The following NKX1-2 variants were observed in gnomAD, a reference collection of about 807,000 sequenced individuals.
NKX1-2 encodes the protein NK1 transcription factor-related protein 2.
NKX1-2 carries 1 observed loss-of-function variant against 4.4 expected under a neutral mutation model. The ratio of observed to expected loss-of-function variants is 0.23; its 90% CI spans 0.08 to 1.08. The LOEUF is 1.08. Ranked by LOEUF, NKX1-2 falls within the 50% of genes least tolerant of loss-of-function variation. The probability of loss-of-function intolerance (pLI) is 0.55; values close to 1 mark genes in which losing one functional copy is unlikely to be tolerated. For synonymous variants in NKX1-2, 235 were observed against 228.0 expected (o/e 1.03, Z -0.28); for missense variants, 503 against 464.6 (o/e 1.08, Z -0.76).
Position 124,447,634 on chromosome 10 carries a change from C to G in NKX1-2, c.728G>C (p.Gly243Ala). The change falls in exon 2 of 2, where the codon GGC becomes GCC. Residue 243 changes from glycine (G) to alanine (A), a missense_variant. Coordinates refer to ENST00000451024, the MANE Select transcript of NKX1-2 (RefSeq NM_001146340.3). ...GCCCCCCGAGCCGCCGCCGCCGCCG[C>G]CCCCCGCCGCCCCTGGCTGGGGCGC... ...GGAPQPGAAG[G>A]GGGGGSGGSP... 7.8e-7 allele frequency: 1 copy of G among 1,283,436 alleles called. No individual in the cohort carries two copies. The highest frequency in any genetic ancestry group is 9.8e-7 in the Non-Finnish European group (1 of 1,015,860). The allele number at this position is 1,283,436 out of a possible 1,614,324, so 79.5% of individuals were successfully genotyped here. A position where few individuals can be genotyped will look rare whatever the true frequency, so the allele number is the denominator to read the frequency against.
rs763369952 is a variant in NKX1-2 at position 124,449,930 on chromosome 10, T to C, written c.14A>G (p.Gln5Arg). ...GGGAGCCGCCTTGGCCCCGCCGTCC[T>C]GCCATGCCAGCATGCCCGTCGCCCA... is the stretch of plus-strand genomic sequence containing the variant. MLAW[Q>R]DGGAKAAPSH... The change falls in exon 1 of 2, where the codon CAG (glutamine) becomes CGG (arginine). Residue 5 changes from glutamine (Q) to arginine (R), a missense_variant. Transcript: ENST00000451024. This position sits in a 1 kb window ranked among gnomAD's most constrained non-coding sequence, Gnocchi z 7.5. The C allele has an allele frequency of 1.3e-6, 2 of 1,541,924 alleles. No homozygotes were observed. The highest frequency in any genetic ancestry group is 2.0e-5 in the Admixed American group (1 of 50,642).
rs1952239800 is a variant in NKX1-2 at position 124,446,696 on chromosome 10, G to A, written c.*733C>T. Reference sequence around the variant, plus strand: ...AAAACCTGCAGTGCAACAGACCCGTGTCTACTTTAGCAGGTGAGTCTAGCT... The same window carrying A: ...AAAACCTGCAGTGCAACAGACCCGTATCTACTTTAGCAGGTGAGTCTAGCT... On this transcript the variant is annotated 3_prime_UTR_variant, in exon 2 of 2. Coordinates refer to ENST00000451024, the MANE Select transcript of NKX1-2 (RefSeq NM_001146340.3). The A allele has an allele frequency of 6.6e-6, 1 of 152,180 alleles. No individual in the cohort carries two copies. The highest frequency in any genetic ancestry group is 1.5e-5 in the Non-Finnish European group (1 of 68,038). The allele number at this position is 152,180 out of a possible 1,614,324, so 9.4% of individuals were successfully genotyped here.
At position 124,447,557 on chromosome 10, in the gene NKX1-2, A is replaced by T; in HGVS notation, c.805T>A (p.Tyr269Asn). The change falls in exon 2 of 2, where the codon TAC (tyrosine) becomes AAC (asparagine). Residue 269 changes from tyrosine (Y) to asparagine (N), a missense_variant. Tyr to Asn is a moderately radical substitution (Grantham distance 143). Transcript: ENST00000451024. Reference sequence around the variant, plus strand: ...GGGAAGAGGACATTGGCCGCGGAGTAGGAGGGGAAAGTCTGGAAGTGCAGA... The same window carrying T: ...GGGAAGAGGACATTGGCCGCGGAGTTGGAGGGGAAAGTCTGGAAGTGCAGA... ...GALHFQTFPS[Y>N]SAANVLFPSA... 7.8e-7 allele frequency: 1 copy of T among 1,274,978 alleles called. No homozygotes were observed. 79.0% of individuals were successfully genotyped at this position (1,274,978 alleles called of 1,614,324 possible).
Position 124,447,553 on chromosome 10 carries a change from G to C in NKX1-2, c.809C>G (p.Ser270Cys). ...GGACGGGAAGAGGACATTGGCCGCG[G>C]AGTAGGAGGGGAAAGTCTGGAAGTG... The part of the protein sequence containing the change: ...ALHFQTFPSY[S>C]AANVLFPSAA... The change falls in exon 2 of 2, where the codon TCC (serine) becomes TGC (cysteine). Residue 270 changes from serine to cysteine, a missense_variant. Coordinates refer to ENST00000451024, the MANE Select transcript of NKX1-2 (RefSeq NM_001146340.3). The C allele has an allele frequency of 7.8e-7, 1 of 1,276,304 alleles. No homozygotes were observed. The highest frequency in any genetic ancestry group is 3.7e-5 in the South Asian group (1 of 26,840). The allele number at this position is 1,276,304 out of a possible 1,614,324, so 79.1% of individuals were successfully genotyped here.
Position 124,448,730 on chromosome 10 carries a change from G to C in NKX1-2, c.215-583C>G, listed in dbSNP as rs1451122002. 1 of 152,704 alleles carries C rather than the reference G, an allele frequency of 6.5e-6. No homozygotes were observed. The highest frequency in any genetic ancestry group is 2.4e-5 in the African/African-American group (1 of 41,458). 9.5% of individuals were successfully genotyped at this position (152,704 alleles called of 1,614,324 possible). ...ACAATATTAGGATCAGACAGGGAAA[G>C]GGGGTTTGAAGTCGGTACCTGCAAG... On this transcript the variant is annotated intron_variant, in intron 1 of 1. Transcript: ENST00000451024. The surrounding 1 kb of genome is among the most constrained non-coding windows in gnomAD (Gnocchi z 4.1).
At position 124,447,958 on chromosome 10, in the gene NKX1-2, C is replaced by G; in HGVS notation, c.404G>C (p.Gly135Ala). 2.8e-6 allele frequency: 4 copies of G among 1,412,892 alleles called. No homozygotes were observed. The African/African-American group carries it at 4.6e-5, about 16-fold the overall frequency. 87.5% of individuals were successfully genotyped at this position (1,412,892 alleles called of 1,614,324 possible). A position where few individuals can be genotyped will look rare whatever the true frequency, so the allele number is the denominator to read the frequency against. ...LASGEPCEDG[G>A]GGPVRSPPGS... ...CGGGGGGGACCTCACAGGGCCGCCC[C>G]CGCCGTCCTCGCAGGGCTCCCCAGA... is the stretch of plus-strand genomic sequence containing the variant. The change falls in exon 2 of 2, where the codon GGG becomes GCG. Residue 135 changes from glycine (G) to alanine (A), a missense_variant. Physicochemically the swap from Gly to Ala is moderately conservative, Grantham distance 60. Transcript: ENST00000451024.
chr10:124,447,478 G>C lies in NKX1-2; in HGVS notation c.884C>G (p.Pro295Arg). 1.6e-6 allele frequency: 2 copies of C among 1,268,652 alleles called. No individual in the cohort carries two copies. Among genetic ancestry groups the C allele is most frequent in the Non-Finnish European group, 2.0e-6 (2 of 1,002,650 alleles). 78.6% of individuals were successfully genotyped at this position (1,268,652 alleles called of 1,614,324 possible). The change falls in exon 2 of 2, where the codon CCG becomes CGG. Residue 295 changes from proline to arginine, a missense_variant. Coordinates refer to ENST00000451024, the MANE Select transcript of NKX1-2 (RefSeq NM_001146340.3). ...GGTCAGGTAGGAAGGCCCAAGGAAC[G>C]GCGCGAAAGGGCTCCCGGGGGCGGC... ...TAAAPGSPFA[P>R]FLGPSYLTPF...
Position 124,449,822 on chromosome 10 carries a change from G to A in NKX1-2, c.122C>T (p.Pro41Leu), listed in dbSNP as rs1422709190. The change falls in exon 1 of 2, where the codon CCG (proline) becomes CTG (leucine). Residue 41 changes from proline to leucine, a missense_variant. Pro to Leu is a moderately conservative substitution (Grantham distance 98). Coordinates refer to ENST00000451024, the MANE Select transcript of NKX1-2 (RefSeq NM_001146340.3). The surrounding 1 kb of genome is among the most constrained non-coding windows in gnomAD (Gnocchi z 7.5). ...FTRAALPAVR[P>L]APREARKSLA... ...ACTTTTCCTGGCTTCCCGGGGAGCC[G>A]GGCGCACGGCAGGGAGCGCTGCGCG... 4.5e-6 allele frequency: 7 copies of A among 1,551,450 alleles called. No individual in the cohort carries two copies. In the African/African-American group the frequency reaches 6.8e-5, roughly 15 times the overall value.
chr10:124,447,532 G>A lies in NKX1-2; in HGVS notation c.830C>T (p.Pro277Leu), dbSNP rs900885197. ...CGTCAGCGGGAAGGAGGCGGCGGAC[G>A]GGAAGAGGACATTGGCCGCGGAGTA... ...PSYSAANVLF[P>L]SAASFPLTAA... Residue 277 changes from proline (P) to leucine (L), a missense_variant, in exon 2 of 2, where the codon CCG becomes CTG. Coordinates refer to ENST00000451024, the MANE Select transcript of NKX1-2 (RefSeq NM_001146340.3). 1.6e-5 allele frequency: 20 copies of A among 1,275,438 alleles called. No homozygotes were observed. Among genetic ancestry groups the A allele is most frequent in the African/African-American group, 4.6e-5 (3 of 64,780 alleles). 79.0% of individuals were successfully genotyped at this position (1,275,438 alleles called of 1,614,324 possible). A position where few individuals can be genotyped will look rare whatever the true frequency, so the allele number is the denominator to read the frequency against.
At position 124,447,829 on chromosome 10, in the gene NKX1-2, A is replaced by C; in HGVS notation, c.533T>G (p.Leu178Trp). The change falls in exon 2 of 2, where the codon TTG becomes TGG. Residue 178 changes from leucine (L) to tryptophan (W), a missense_variant. By Grantham distance (61) the Leu-to-Trp change is moderately conservative. Transcript: ENST00000451024. Reference protein sequence around the residue: ...TAFTYEQLVALENKFRATRYL... With the variant: ...TAFTYEQLVAWENKFRATRYL... ...GCGCGTGGCCCGGAACTTGTTCTCC[A>C]AGGCCACCAGCTGCTCGTAGGTGAA... The C allele has an allele frequency of 4.1e-6, 6 of 1,473,562 alleles. No homozygotes were observed. Among genetic ancestry groups the C allele is most frequent in the Non-Finnish European group, 5.4e-6 (6 of 1,104,696 alleles). 91.3% of individuals were successfully genotyped at this position (1,473,562 alleles called of 1,614,324 possible).
chr10:124,449,736 T>C lies in NKX1-2; in HGVS notation c.208A>G (p.Thr70Ala). The C allele has an allele frequency of 6.5e-7, 1 of 1,550,214 alleles. No homozygotes were observed. Among genetic ancestry groups the C allele is most frequent in the South Asian group, 1.2e-5 (1 of 84,042 alleles). Reference protein sequence around the residue: ...SSRDPVRQLETPDAAGPGAGQ... With the variant: ...SSRDPVRQLEAPDAAGPGAGQ... ...GGGCCGCCTTGCATCTTACCAGGGG[T>C]CTCCAGCTGTCGGACAGGGTCCCTG... Residue 70 changes from threonine to alanine, a missense_variant, in exon 1 of 2, where the codon ACC becomes GCC. Transcript: ENST00000451024. The surrounding 1 kb of genome is among the most constrained non-coding windows in gnomAD (Gnocchi z 7.5).
Position 124,446,966 on chromosome 10 carries a change from G to A in NKX1-2, c.*463C>T, listed in dbSNP as rs1482135713. 1.3e-5 allele frequency: 2 copies of A among 153,770 alleles called. No homozygotes were observed. Among genetic ancestry groups the A allele is most frequent in the African/African-American group, 2.4e-5 (1 of 41,528 alleles). The allele number at this position is 153,770 out of a possible 1,614,324, so 9.5% of individuals were successfully genotyped here. On this transcript the variant is annotated 3_prime_UTR_variant, in exon 2 of 2. Transcript: ENST00000451024. ...TTCAGGATTTGGAAGAACTCTCTGG[G>A]TTTGGGCTGAACCATCGAGCACGAG...
chr10:124,448,234 CA>C lies in NKX1-2; in HGVS notation c.215-88del. On this transcript the variant is annotated intron_variant, in intron 1 of 1. Transcript: ENST00000451024. The surrounding 1 kb of genome is among the most constrained non-coding windows in gnomAD (Gnocchi z 4.1). ...TCCCTAGAGCAAGCAGCTGTCCCCC[CA>C]ACCCAACTCTGGGTGCTGCTCCTGT... 1 of 1,345,746 alleles carries C rather than the reference CA, an allele frequency of 7.4e-7. No individual in the cohort carries two copies. Among genetic ancestry groups the C allele is most frequent in the Non-Finnish European group, 9.5e-7 (1 of 1,052,670 alleles). 83.4% of individuals were successfully genotyped at this position (1,345,746 alleles called of 1,614,324 possible). A position where few individuals can be genotyped will look rare whatever the true frequency, so the allele number is the denominator to read the frequency against.
At position 124,447,877 on chromosome 10, in the gene NKX1-2, T is replaced by A; in HGVS notation, c.485A>T (p.Lys162Met). 6.9e-7 allele frequency: 1 copy of A among 1,441,786 alleles called. No individual in the cohort carries two copies. The highest frequency in any genetic ancestry group is 9.2e-7 in the Non-Finnish European group (1 of 1,089,908). 89.3% of individuals were successfully genotyped at this position (1,441,786 alleles called of 1,614,324 possible). The part of the protein sequence containing the change: ...RRRRLEPNCA[K>M]PRRARTAFTY... ...GAAGGCGGTGCGCGCGCGCCGCGGC[T>A]TGGCGCAGTTGGGCTCCAGGCGCCG... Residue 162 changes from lysine to methionine, a missense_variant, in exon 2 of 2, where the codon AAG (lysine) becomes ATG (methionine). Transcript: ENST00000451024.
At position 124,447,561 on chromosome 10, in the gene NKX1-2, G is replaced by A; in HGVS notation, c.801C>T (p.Pro267=). The A allele has an allele frequency of 2.4e-6, 3 of 1,275,078 alleles. No individual in the cohort carries two copies. The highest frequency in any genetic ancestry group is 9.9e-7 in the Non-Finnish European group (1 of 1,008,358). The allele number at this position is 1,275,078 out of a possible 1,614,324, so 79.0% of individuals were successfully genotyped here. The change falls in exon 2 of 2, where the codon CCC becomes CCT. Residue 267 remains proline, a synonymous_variant. Transcript: ENST00000451024. ...AGAGGACATTGGCCGCGGAGTAGGA[G>A]GGGAAAGTCTGGAAGTGCAGAGCGC... ...GTGALHFQTF[P]SYSAANVLFP... is the part of the protein sequence containing the mutation.
At position 124,447,353 on chromosome 10, in the gene NKX1-2, G is replaced by A. The variant is rs1182062705; in HGVS notation, c.*76C>T. On this transcript the variant is annotated 3_prime_UTR_variant, in exon 2 of 2. Coordinates refer to ENST00000451024, the MANE Select transcript of NKX1-2 (RefSeq NM_001146340.3). ...CTGACACCCGCGCACCTGCACCCCC[G>A]GTGGAGGAGCCGAGGGCACACGACG... 1.8e-6 allele frequency: 2 copies of A among 1,122,502 alleles called. No individual in the cohort carries two copies. Among genetic ancestry groups the A allele is most frequent in the Middle Eastern group, 2.3e-4 (1 of 4,426 alleles). The allele number at this position is 1,122,502 out of a possible 1,614,324, so 69.5% of individuals were successfully genotyped here. A position where few individuals can be genotyped will look rare whatever the true frequency, so the allele number is the denominator to read the frequency against.
In NKX1-2 at chr10:124,449,250, A is replaced by G. The variant is rs920964156; in HGVS notation, c.214+480T>C. On this transcript the variant is annotated intron_variant, in intron 1 of 1. Transcript: ENST00000451024. The surrounding 1 kb of genome is among the most constrained non-coding windows in gnomAD (Gnocchi z 7.5). ...AGCCCCGCAGGCGTCTCCGGGTGGC[A>G]CCTGACCTCGCTACTCACGAAGACC... 1.3e-5 allele frequency among the ~76,000 whole-genome samples: 2 copies of G among 152,130 alleles called. No homozygotes were observed. The highest frequency in any genetic ancestry group is 2.9e-5 in the Non-Finnish European group (2 of 68,000).
At position 124,447,308 on chromosome 10, in the gene NKX1-2, G is replaced by T; in HGVS notation, c.*121C>A. The T allele has an allele frequency of 1.4e-6, 1 of 739,402 alleles. No homozygotes were observed. Among genetic ancestry groups the T allele is most frequent in the Non-Finnish European group, 1.9e-6 (1 of 526,302 alleles). The allele number at this position is 739,402 out of a possible 1,614,324, so 45.8% of individuals were successfully genotyped here. A position where few individuals can be genotyped will look rare whatever the true frequency, so the allele number is the denominator to read the frequency against. ...GGTGGCCCGCGAGGATCGCGGGTGC[G>T]CGCGGCGGGCAGGGGTGCGCTGACA... On this transcript the variant is annotated 3_prime_UTR_variant, in exon 2 of 2. Coordinates refer to ENST00000451024, the MANE Select transcript of NKX1-2 (RefSeq NM_001146340.3).
chr10:124,447,627 G>GCCCC lies in NKX1-2; in HGVS notation c.734_735insGGGG (p.Gly247ArgfsTer149). 5.5e-6 allele frequency: 7 copies of GCCCC among 1,279,598 alleles called. No homozygotes were observed. Among genetic ancestry groups the GCCCC allele is most frequent in the Non-Finnish European group, 6.9e-6 (7 of 1,014,750 alleles). The allele number at this position is 1,279,598 out of a possible 1,614,324, so 79.3% of individuals were successfully genotyped here. On this transcript the variant is annotated frameshift_variant, in exon 2 of 2. Coordinates refer to ENST00000451024, the MANE Select transcript of NKX1-2 (RefSeq NM_001146340.3). LOFTEE classifies it low-confidence loss of function (END_TRUNC). The stretch of plus-strand genomic sequence containing the variant: ...CAGGACTGCCCCCCGAGCCGCCGCC[G>GCCCC]CCGCCGCCCCCCGCCGCCCCTGGCT...
Sources: allele counts gnomAD v4.1 joint callset (sites outside exome capture counted in the v4.1 genomes callset), GRCh38; gene constraint gnomAD v4.1.1; non-coding constraint Gnocchi (gnomAD v3.1); transcripts MANE v1.5; gene names NCBI Gene and HGNC (gene_info 2026-07-23, HGNC 2026-07-21).